Variants in DGKH observed in about 807,000 individuals in gnomAD.
DGKH encodes the protein diacylglycerol kinase eta.
A neutral mutation model predicts 159.3 loss-of-function variants in DGKH; 90 were observed. The observed-to-expected ratio is 0.57, with a 90% confidence interval of 0.48 to 0.67. DGKH has a LOEUF of 0.67. Ranked by LOEUF, DGKH falls within the 30% of genes least tolerant of loss-of-function variation. The probability of loss-of-function intolerance (pLI) is 0.00; values close to 1 mark genes in which losing one functional copy is unlikely to be tolerated. For synonymous variants in DGKH, 536 were observed against 553.8 expected (o/e 0.97, Z 0.45); for missense variants, 1,181 against 1,506.1 (o/e 0.78, Z 3.57).
In DGKH at chr13:42,070,447, C is replaced by T; in HGVS notation, c.192+21482C>T. On this transcript the variant is annotated intron_variant, in intron 1 of 29. Transcript: ENST00000337343. ...TTTCAGCAGAGATGCAGCCTGCAGCCCACATGTCAATGGCTTTAGTATAAT... is the reference window on the plus strand; with the variant it reads ...TTTCAGCAGAGATGCAGCCTGCAGCTCACATGTCAATGGCTTTAGTATAAT... 19 of 1,299,096 alleles carry T rather than the reference C, an allele frequency of 1.5e-5. No homozygotes were observed. The South Asian group carries it at 2.2e-4, about 15-fold the overall frequency. The allele number at this position is 1,299,096 out of a possible 1,614,324, so 80.5% of individuals were successfully genotyped here. A position where few individuals can be genotyped will look rare whatever the true frequency, so the allele number is the denominator to read the frequency against.
chr13:42,141,103 C>G (rs768238391), intron 3 of DGKH, among the ~76,000 whole-genome samples: 2 of 140,378 alleles, frequency 1.4e-5, no homozygotes, highest in Non-Finnish European at 3.1e-5. Context: ...CTTCCTGTGT[C>G]CATGTGTTCT....
intron 1 of DGKH, among the ~76,000 whole-genome samples, chr13:42,096,287 A>G (rs1954532320): frequency 6.6e-6 from 1 of 151,764 alleles, no homozygotes; most frequent in Admixed American, 6.6e-5. Context: ...TCCCATCTTT[A>G]TGTTTATGAG....
chr13:42,046,491 CA>C (rs955417433), upstream of DGKH, among the ~76,000 whole-genome samples: 2 of 152,128 alleles, frequency 1.3e-5, no homozygotes, highest in African/African-American at 4.8e-5. Flanking sequence ...TGCAGAAGTG[CA>C]AAGCTGGCTC....
In DGKH at chr13:42,231,113, G is replaced by A. The variant is rs899068318; in HGVS notation, c.*1925G>A. 1.4e-4 allele frequency: 21 copies of A among 152,284 alleles called. No individual in the cohort carries two copies. Among genetic ancestry groups the A allele is most frequent in the African/African-American group, 4.6e-4 (19 of 41,538 alleles). 9.4% of individuals were successfully genotyped at this position (152,284 alleles called of 1,614,324 possible). A position where few individuals can be genotyped will look rare whatever the true frequency, so the allele number is the denominator to read the frequency against. ...CTCACGCCTGTAATCCCAGCACTTC[G>A]GGAGGTTTAGGTGGGTAGATCACCG... On this transcript the variant is annotated 3_prime_UTR_variant, in exon 30 of 30. Coordinates refer to ENST00000337343, the MANE Select transcript of DGKH (RefSeq NM_178009.5).
chr13:42,170,198 T>C (rs1427187967), intron 11 of DGKH, among the ~76,000 whole-genome samples: 1 of 152,246 alleles, frequency 6.6e-6, no homozygotes, highest in African/African-American at 2.4e-5. Flanking sequence ...CCACTTCCCC[T>C]GCTGTTAGGC....
intron 17 of DGKH, among the ~76,000 whole-genome samples, chr13:42,195,552 T>C (rs1957186052): frequency 2.0e-5 from 3 of 152,184 alleles, no homozygotes. Context: ...TGGGAAATTA[T>C]GAGTCGGTAG....
At chr13:42,056,918 T>C (rs1049313575) in intron 1 of DGKH, among the ~76,000 whole-genome samples, 2 of 152,210 alleles carry the variant, frequency 1.3e-5, no homozygotes, top group Non-Finnish European at 2.9e-5. Context: ...CATGAGCATA[T>C]CTCTCATCAA....
At chr13:42,244,127 T>C (rs1958557077), downstream of DGKH, among the ~76,000 whole-genome samples, 1 of 152,146 alleles carries the variant, frequency 6.6e-6, no homozygotes, top group Non-Finnish European at 1.5e-5. Context: ...AAGTTCAGAC[T>C]CAGCCATCAT....
chr13:42,120,293 T>C (rs2137823467), intron 1 of DGKH, among the ~76,000 whole-genome samples: 1 of 152,360 alleles, frequency 6.6e-6, no homozygotes, highest in South Asian at 2.1e-4. Flanking sequence ...TGAATTCAAA[T>C]TAATTTTTCT....
chr13:42,199,952 TA>T (rs150203768), intron 20 of DGKH, 43 bp downstream of exon 20: 156,195 of 1,502,562 alleles, frequency 0.1, 8,795 homozygotes, highest in South Asian at 0.12. Context: ...TTATCTTACT[TA>T]AAAAAAATAT....
At chr13:42,192,113 C>T (rs7984629) in intron 16 of DGKH, among the ~76,000 whole-genome samples, 34,104 of 152,048 alleles carry the variant, frequency 0.22, 4,482 homozygotes, top group Admixed American at 0.29. Flanking sequence ...ATTTTTATTG[C>T]TACTACTGCT....
At chr13:42,104,444 G>A (rs771291900) in intron 1 of DGKH, among the ~76,000 whole-genome samples, 1 of 152,218 alleles carries the variant, frequency 6.6e-6, no homozygotes, top group Non-Finnish European at 1.5e-5. Context: ...TTAGTGACAT[G>A]GGGGCTTCAA....
chr13:42,072,039 C>G (rs950354273), intron 1 of DGKH, among the ~76,000 whole-genome samples: 5 of 152,092 alleles, frequency 3.3e-5, no homozygotes, highest in Admixed American at 1.3e-4. Context: ...CCAAGATGGT[C>G]TTTAAAAATA....
At chr13:42,213,528 GA>G (rs1957716264) in intron 24 of DGKH, among the ~76,000 whole-genome samples, 1 of 152,112 alleles carries the variant, frequency 6.6e-6, no homozygotes, top group Admixed American at 6.5e-5. Context: ...CTGTTCTTCT[GA>G]AAAATAGCCC....
chr13:42,155,891 T>C, intron 5 of DGKH, 92 bp downstream of exon 5: 1 of 1,463,512 alleles, frequency 6.8e-7, no homozygotes, highest in South Asian at 1.3e-5. Flanking sequence ...AATTGAGCTC[T>C]CCACACATAG....
chr13:42,068,114 A>G (rs1882710765), intron 1 of DGKH, among the ~76,000 whole-genome samples: 2 of 152,184 alleles, frequency 1.3e-5, no homozygotes, highest in Non-Finnish European at 2.9e-5. Flanking sequence ...CGTTACTTAA[A>G]ATGAGTATGT....
chr13:42,190,920 A>C (rs1193149123), intron 16 of DGKH, among the ~76,000 whole-genome samples: 1 of 152,184 alleles, frequency 6.6e-6, no homozygotes, highest in African/African-American at 2.4e-5. Flanking sequence ...AAATGCAGAA[A>C]ATTTGGCATT....
intron 1 of DGKH, among the ~76,000 whole-genome samples, chr13:42,094,253 A>T (rs1448964155): frequency 1.3e-5 from 2 of 152,200 alleles, no homozygotes; most frequent in Non-Finnish European, 2.9e-5. Context: ...CTGTACCCTA[A>T]AACTTAAAGT....
chr13:42,107,075 A>G (rs1261037695), intron 1 of DGKH, among the ~76,000 whole-genome samples: 2 of 152,262 alleles, frequency 1.3e-5, no homozygotes, highest in African/African-American at 4.8e-5. Context: ...AATTTTGTGC[A>G]TCACACTCCT....
Sources: gnomAD v4.1 joint callset for allele counts (sites outside exome capture counted in the v4.1 genomes callset) on GRCh38, gnomAD v4.1.1 for gene constraint, MANE v1.5 for transcripts, NCBI Gene and HGNC (gene_info 2026-07-23, HGNC 2026-07-21) for gene names.